The following DLG2 variants were observed in gnomAD, a reference collection of about 807,000 sequenced individuals.
DLG2 encodes the protein disks large homolog 2.
DLG2 carries 45 observed loss-of-function variants against 132.5 expected under a neutral mutation model. That is an observed-to-expected ratio of 0.34 (90% CI 0.27 to 0.44). The LOEUF is 0.44. DLG2 is among the 20% of genes least tolerant of loss of function. The pLI is 1.00. For missense variants in DLG2, 1,045 were observed against 1,196.9 expected, an observed-to-expected ratio of 0.87 and a Z score of 1.87; for synonymous variants, 424 against 419.6, an observed-to-expected ratio of 1.01 and a Z score of -0.13.
chr11:85,598,677 C>G lies in DLG2; in HGVS notation c.20G>C (p.Ser7Thr), dbSNP rs2079950320. The G allele has an allele frequency of 6.3e-7, 1 of 1,578,482 alleles. No individual in the cohort carries two copies. Among genetic ancestry groups the G allele is most frequent in the Non-Finnish European group, 8.6e-7 (1 of 1,164,654 alleles). ...CATACCTAGCAAAGCTTGGAATAAG[C>G]TGCTCTTAAAGATACCCATCACCTT... MGIFKS[S>T]LFQALLDIQE... is the part of the protein sequence containing the mutation. Residue 7 changes from serine (S) to threonine (T), a missense_variant, in exon 3 of 28, where the codon AGC becomes ACC. By Grantham distance (58) the Ser-to-Thr change is moderately conservative. Coordinates refer to ENST00000376104, the MANE Select transcript of DLG2 (RefSeq NM_001142699.3).
rs1254066477 is a variant in DLG2, at chr11:84,316,482, T to TA, written c.520-65192dup. ...TAAAATTTATTTTTTCTCTGCTCTT[T>TA]AAAAAAATAATAATAAACAGGCAGG... is the stretch of plus-strand genomic sequence containing the variant. On this transcript the variant is annotated intron_variant, in intron 7 of 27. Transcript: ENST00000376104. Among the ~76,000 whole-genome samples, 3 of 152,040 alleles carry TA rather than the reference T, an allele frequency of 2.0e-5. No individual in the cohort carries two copies. The East Asian group carries it at 5.8e-4, about 29-fold the overall frequency.
At chr11:85,158,059 C>T (rs2077722453) in intron 4 of DLG2, among the ~76,000 whole-genome samples, 1 of 152,098 alleles carries the variant, frequency 6.6e-6, no homozygotes, top group African/African-American at 2.4e-5. Context: ...TGCTTCTAGA[C>T]TTATAACTAG....
intron 21 of DLG2, among the ~76,000 whole-genome samples, chr11:83,517,503 A>T (rs2140271421): frequency 6.6e-6 from 1 of 152,254 alleles, no homozygotes; most frequent in East Asian, 1.9e-4. Context: ...GATCTTCTGA[A>T]GCCTTCTTCT....
intron 2 of DLG2, among the ~76,000 whole-genome samples, chr11:85,602,449 AG>A: frequency 6.6e-6 from 1 of 151,698 alleles, no homozygotes; most frequent in East Asian, 1.9e-4. Flanking sequence ...TCTTTTAAGC[AG>A]GATCTCTCTC....
chr11:84,061,546 T>C (rs1237045607), intron 10 of DLG2, among the ~76,000 whole-genome samples: 2 of 152,192 alleles, frequency 1.3e-5, no homozygotes, highest in Admixed American at 6.5e-5. Flanking sequence ...ATTTGAGCTT[T>C]TCTCTCTTAG....
At chr11:85,377,803 A>ATATATATATATATATATGTGTG (rs35141583) in intron 3 of DLG2, among the ~76,000 whole-genome samples, 2 of 131,290 alleles carry the variant, frequency 1.5e-5, no homozygotes, top group South Asian at 2.4e-4. Context: ...ATATATATAT[A>ATATATATATATATATATGTGTG]TGTGTGTGTG....
chr11:85,454,230 G>A (rs1483314146), intron 3 of DLG2, among the ~76,000 whole-genome samples: 1 of 151,182 alleles, frequency 6.6e-6, no homozygotes, highest in East Asian at 1.9e-4. Context: ...TTTTAATAAT[G>A]GCCAGTCTGA....
intron 4 of DLG2, among the ~76,000 whole-genome samples, chr11:85,199,747 T>A (rs893726850): frequency 3.3e-5 from 5 of 152,158 alleles, no homozygotes; most frequent in African/African-American, 1.2e-4. Flanking sequence ...TATAGAGTTC[T>A]AACCATGACT....
intron 6 of DLG2, among the ~76,000 whole-genome samples, chr11:84,688,181 T>C (rs1328577257): frequency 2.0e-5 from 3 of 152,204 alleles, no homozygotes; most frequent in Non-Finnish European, 4.4e-5. Flanking sequence ...TTGCAAAACC[T>C]ATTTAGCACC....
chr11:83,724,476 T>TGTGTGAGAGAGAGAGAGAGAGAGAGAGA (rs762050933), intron 18 of DLG2, among the ~76,000 whole-genome samples: 1 of 118,154 alleles, frequency 8.5e-6, no homozygotes, highest in Non-Finnish European at 1.8e-5. Flanking sequence ...TGTGTGTGTG[T>TGTGTGAGAGAGAGAGAGAGAGAGAGAGA]GAGAGAGAGA....
In DLG2 at chr11:84,909,121, G is replaced by A. The variant is rs751210679; in HGVS notation, c.357+202540C>T. On this transcript the variant is annotated intron_variant, in intron 6 of 27. Coordinates refer to ENST00000376104, the MANE Select transcript of DLG2 (RefSeq NM_001142699.3). ...TTTCTCGTCTTTGAAACCCTGCATC[G>A]ATGCACCTTTTAACCAGCCTGAGCT... Among the ~76,000 whole-genome samples, 12 of 152,022 alleles carry A rather than the reference G, an allele frequency of 7.9e-5. No homozygotes were observed. In the South Asian group the frequency reaches 1.2e-3, roughly 16 times the overall value.
chr11:83,835,646 A>T (rs2055934642), intron 16 of DLG2, among the ~76,000 whole-genome samples: 1 of 152,214 alleles, frequency 6.6e-6, no homozygotes, highest in East Asian at 1.9e-4. Flanking sequence ...TTGCTGAATA[A>T]CAAGTTACCA....
intron 4 of DLG2, among the ~76,000 whole-genome samples, chr11:85,177,290 C>CAT (rs775377459): frequency 0.025 from 3,670 of 146,774 alleles, 66 homozygotes; most frequent in Admixed American, 0.039. Context: ...TACATATACA[C>CAT]ACACACACAC....
At chr11:84,234,287 C>G (rs1204319819) in intron 8 of DLG2, among the ~76,000 whole-genome samples, 1 of 152,172 alleles carries the variant, frequency 6.6e-6, no homozygotes, top group Non-Finnish European at 1.5e-5. Context: ...TCCTTTCATT[C>G]CCACTCTAAA....
intron 14 of DLG2, among the ~76,000 whole-genome samples, chr11:83,944,645 T>C (rs1236531201): frequency 1.3e-5 from 2 of 152,214 alleles, no homozygotes; most frequent in Non-Finnish European, 2.9e-5. Flanking sequence ...CTGTCTATTA[T>C]ATCTAACCAA....
intron 22 of DLG2, chr11:83,480,269 TA>T: frequency 2.2e-6 from 2 of 922,268 alleles, no homozygotes; most frequent in Non-Finnish European, 1.7e-6. Context: ...ATACAGATGA[TA>T]AAAGGTAGCA....
intron 6 of DLG2, among the ~76,000 whole-genome samples, chr11:84,895,357 C>T (rs1458399378): frequency 6.6e-6 from 1 of 151,960 alleles, no homozygotes; most frequent in South Asian, 2.1e-4. Context: ...AAGATATAAT[C>T]AGTAACCTGT....
At chr11:84,274,547 A>C (rs1011633026) in intron 7 of DLG2, among the ~76,000 whole-genome samples, 1 of 152,190 alleles carries the variant, frequency 6.6e-6, no homozygotes, top group South Asian at 2.1e-4. Flanking sequence ...TGGGTTACCT[A>C]GTTTTCCTCC....
At position 85,225,356 on chromosome 11, in the gene DLG2, G is replaced by C. The variant is rs1027514594; in HGVS notation, c.186+59864C>G. ...CCAGCCCACTCATCTCTCCGCAGAT[G>C]ACCTTGCTACCTACTTGGTCAAGAA... On this transcript the variant is annotated intron_variant, in intron 4 of 27. Transcript: ENST00000376104. Among the ~76,000 whole-genome samples the C allele has an allele frequency of 4.6e-5, 7 of 152,046 alleles. No homozygotes were observed. The East Asian group carries it at 1.2e-3, about 25-fold the overall frequency.
Sources: gnomAD v4.1 joint callset for allele counts (sites outside exome capture counted in the v4.1 genomes callset) on GRCh38, gnomAD v4.1.1 for gene constraint, MANE v1.5 for transcripts, NCBI Gene and HGNC (gene_info 2026-07-23, HGNC 2026-07-21) for gene names.